Variants in HMGN2 observed in about 807,000 individuals in gnomAD.
The protein encoded by HMGN2 is high mobility group nucleosomal binding domain 2.
In HMGN2, 2 loss-of-function variants were observed where a neutral mutation model predicts 16.9. The observed-to-expected ratio is 0.12, with a 90% CI of 0.05 to 0.37. The LOEUF (loss-of-function observed/expected upper bound fraction) is 0.37. Among genes scored for constraint, HMGN2 ranks in the 10% least tolerant of loss-of-function variants. The pLI is 1.00. For missense variants in HMGN2, 90 were observed against 106.0 expected (o/e 0.85, Z 0.66); for synonymous variants, 31 against 34.9 (o/e 0.89, Z 0.39).
In HMGN2 at chr1:26,474,588, C is replaced by G. The variant is rs2075595980; in HGVS notation, c.158C>G (p.Pro53Arg). 1 of 1,569,200 alleles carries G rather than the reference C, an allele frequency of 6.4e-7. No homozygotes were observed. The highest frequency in any genetic ancestry group is 2.2e-5 in the East Asian group (1 of 44,648). The change falls in exon 5 of 6, where the codon CCC (proline) becomes CGC (arginine). Residue 53 changes from proline (P) to arginine (R), a missense_variant. Pro to Arg is a moderately radical substitution (Grantham distance 103). Coordinates refer to ENST00000361427, the MANE Select transcript of HMGN2 (RefSeq NM_005517.4). Reference protein sequence around the residue: ...KAPAKKGEKVPKGKKGKADAG... With the variant: ...KAPAKKGEKVRKGKKGKADAG... Reference sequence around the variant, plus strand: ...CTTTTTCAGAAGGGAGAGAAGGTACCCAAAGGGAAAAAGGGAAAAGCTGAT... The same window carrying G: ...CTTTTTCAGAAGGGAGAGAAGGTACGCAAAGGGAAAAAGGGAAAAGCTGAT...
rs1057514831 is a variant in HMGN2, at chr1:26,472,553, C to G, written c.-60C>G. The G allele has an allele frequency of 6.5e-6, 10 of 1,533,886 alleles. No homozygotes were observed. Among genetic ancestry groups the G allele is most frequent in the Non-Finnish European group, 8.7e-6 (10 of 1,146,764 alleles). ...GAACGACCCCCGGACCGACCAAAGCCCGCGCGCCGCTGCATCCCGCGTCCA... is the reference window on the plus strand; with the variant it reads ...GAACGACCCCCGGACCGACCAAAGCGCGCGCGCCGCTGCATCCCGCGTCCA... On this transcript the variant is annotated 5_prime_UTR_variant, in exon 1 of 6. Transcript: ENST00000361427.
rs1275917552 is a variant in HMGN2, at chr1:26,475,833, G to C, written c.*685G>C. 3 of 304,496 alleles carry C rather than the reference G, an allele frequency of 9.9e-6. No homozygotes were observed. Among genetic ancestry groups the C allele is most frequent in the South Asian group, 7.5e-5 (3 of 39,746 alleles). 18.9% of individuals were successfully genotyped at this position (304,496 alleles called of 1,614,324 possible). A position where few individuals can be genotyped will look rare whatever the true frequency, so the allele number is the denominator to read the frequency against. On this transcript the variant is annotated 3_prime_UTR_variant, in exon 6 of 6. Coordinates refer to ENST00000361427, the MANE Select transcript of HMGN2 (RefSeq NM_005517.4). ...TCATTGGGTTTTATAGTGGCTTTCT[G>C]ATTTTTGGTAGTCCATTGAAGAAGG...
At chr1:26,474,274 A>AAGTT (rs1387539525) in intron 4 of HMGN2, 139 bp downstream of exon 4, 3 of 660,822 alleles carry the variant, frequency 4.5e-6, no homozygotes, top group Non-Finnish European at 5.2e-6. Context: ...TGTCATTCAT[A>AAGTT]ACGTTGGTTT....
intron 3 of HMGN2, 61 bp from the exon 4 acceptor site, chr1:26,474,024 G>A (rs1437780574): frequency 7.2e-7 from 1 of 1,383,628 alleles, no homozygotes; most frequent in East Asian, 2.3e-5. Flanking sequence ...TTGGTTGTGG[G>A]TGGTTTTCTT....
chr1:26,474,488 A>G (rs1041291822), intron 4 of HMGN2, 84 bp from the exon 5 acceptor site: 13 of 732,918 alleles, frequency 1.8e-5, no homozygotes, highest in East Asian at 1.3e-4. Flanking sequence ...TGAGTAAACA[A>G]TCCTACCTTG....
intron 1 of HMGN2, chr1:26,473,217 C>T (rs2075586797): frequency 1.4e-5 from 7 of 493,270 alleles, no homozygotes. Flanking sequence ...TTTGCGCCAT[C>T]TGCAGCTGTT....
chr1:26,472,500 G>A lies in HMGN2; in HGVS notation c.-113G>A, dbSNP rs2075575431. The A allele has an allele frequency of 1.5e-6, 2 of 1,291,226 alleles. No individual in the cohort carries two copies. The highest frequency in any genetic ancestry group is 2.2e-6 in the Non-Finnish European group (2 of 927,734). 80.0% of individuals were successfully genotyped at this position (1,291,226 alleles called of 1,614,324 possible). A position where few individuals can be genotyped will look rare whatever the true frequency, so the allele number is the denominator to read the frequency against. Reference sequence around the variant, plus strand: ...CTATAAAAACTTTATAAACCCCCCGGAGCCCGAGCAGTGTGAAGAAGAGGC... The same window carrying A: ...CTATAAAAACTTTATAAACCCCCCGAAGCCCGAGCAGTGTGAAGAAGAGGC... On this transcript the variant is annotated 5_prime_UTR_variant, in exon 1 of 6. Transcript: ENST00000361427.
intron 1 of HMGN2, 78 bp downstream of exon 1, chr1:26,472,705 A>G (rs1455385470): frequency 1.8e-5 from 24 of 1,341,004 alleles, no homozygotes; most frequent in South Asian, 4.0e-5. Flanking sequence ...GCAGGGAGCG[A>G]GAATCGGCGC....
intron 1 of HMGN2, chr1:26,473,085 C>T (rs960298040): frequency 1.6e-5 from 4 of 248,130 alleles, no homozygotes; most frequent in African/African-American, 9.3e-5. Flanking sequence ...CGCCCACGTT[C>T]CCCGCGCACG....
Position 26,472,526 on chromosome 1 carries a change from G to A in HMGN2, c.-87G>A. 1.5e-5 allele frequency: 22 copies of A among 1,496,142 alleles called. No homozygotes were observed. The highest frequency in any genetic ancestry group is 1.8e-5 in the Non-Finnish European group (20 of 1,113,564). The allele number at this position is 1,496,142 out of a possible 1,614,324, so 92.7% of individuals were successfully genotyped here. A position where few individuals can be genotyped will look rare whatever the true frequency, so the allele number is the denominator to read the frequency against. ...AGCCCGAGCAGTGTGAAGAAGAGGCGAGAACGACCCCCGGACCGACCAAAG... is the reference window on the plus strand; with the variant it reads ...AGCCCGAGCAGTGTGAAGAAGAGGCAAGAACGACCCCCGGACCGACCAAAG... On this transcript the variant is annotated 5_prime_UTR_variant, in exon 1 of 6. Coordinates refer to ENST00000361427, the MANE Select transcript of HMGN2 (RefSeq NM_005517.4).
intron 1 of HMGN2, 137 bp downstream of exon 1, chr1:26,472,764 C>A: frequency 1.3e-6 from 1 of 755,572 alleles, no homozygotes; most frequent in South Asian, 1.9e-5. Context: ...GAGACGGTGT[C>A]GGGCAGCTCG....
intron 4 of HMGN2, 129 bp downstream of exon 4, chr1:26,474,264 T>C (rs1041701521): frequency 4.4e-6 from 3 of 679,946 alleles, no homozygotes; most frequent in Non-Finnish European, 7.5e-6. Context: ...ACCTCGTCCG[T>C]GTCATTCATA....
chr1:26,476,482 T>C lies in HMGN2; in HGVS notation c.*1334T>C, dbSNP rs2075609766. ...GACAATGGGGTCTTTCCTGATTCCTTTAGTTTGGAGATGCAGAGAACCCCA... is the reference window on the plus strand; with the variant it reads ...GACAATGGGGTCTTTCCTGATTCCTCTAGTTTGGAGATGCAGAGAACCCCA... On this transcript the variant is annotated 3_prime_UTR_variant, in exon 6 of 6. Transcript: ENST00000361427. Among the ~76,000 whole-genome samples, 1 of 152,124 alleles carries C rather than the reference T, an allele frequency of 6.6e-6. No homozygotes were observed. Among genetic ancestry groups the C allele is most frequent in the African/African-American group, 2.4e-5 (1 of 41,436 alleles).
At position 26,472,484 on chromosome 1, in the gene HMGN2, CTT is replaced by C; in HGVS notation, c.-127_-126del. The C allele has an allele frequency of 8.4e-7, 1 of 1,192,826 alleles. No individual in the cohort carries two copies. Among genetic ancestry groups the C allele is most frequent in the Non-Finnish European group, 1.2e-6 (1 of 840,066 alleles). 73.9% of individuals were successfully genotyped at this position (1,192,826 alleles called of 1,614,324 possible). The stretch of plus-strand genomic sequence containing the variant: ...TCCGGGGCTCCCAGCGCTATAAAAA[CTT>C]TATAAACCCCCCGGAGCCCGAGCAG... On this transcript the variant is annotated 5_prime_UTR_variant, in exon 1 of 6. Transcript: ENST00000361427.
At chr1:26,473,124 C>G (rs931791395) in intron 1 of HMGN2, 11 of 275,070 alleles carry the variant, frequency 4.0e-5, no homozygotes, top group Non-Finnish European at 6.2e-5. Flanking sequence ...CCCACGAGTT[C>G]CCCGGGCTGC....
Position 26,473,479 on chromosome 1 carries a change from A to C in HMGN2, c.16-4A>C. The C allele has an allele frequency of 6.2e-7, 1 of 1,610,968 alleles. No homozygotes were observed. Among genetic ancestry groups the C allele is most frequent in the African/African-American group, 1.3e-5 (1 of 74,990 alleles). On this transcript the variant is annotated splice_region_variant and splice_polypyrimidine_tract_variant and intron_variant, in intron 1 of 5. Transcript: ENST00000361427. Reference sequence around the variant, plus strand: ...CTGCAGTTTTTTGTTCTTGTTTCTTATAGGCTGAAGGGGATGCTAAGGGAG... The same window carrying C: ...CTGCAGTTTTTTGTTCTTGTTTCTTCTAGGCTGAAGGGGATGCTAAGGGAG...
At chr1:26,473,962 C>T in intron 3 of HMGN2, 123 bp from the exon 4 acceptor site, 1 of 884,714 alleles carries the variant, frequency 1.1e-6, no homozygotes, top group South Asian at 1.7e-5. Context: ...GAAAGCCAAC[C>T]ACAAAAACTT....
Position 26,474,130 on chromosome 1 carries a change from G to A in HMGN2, c.136G>A (p.Ala46Thr). 1.2e-6 allele frequency: 2 copies of A among 1,607,268 alleles called. No individual in the cohort carries two copies. Among genetic ancestry groups the A allele is most frequent in the Non-Finnish European group, 1.7e-6 (2 of 1,177,382 alleles). Residue 46 changes from alanine (A) to threonine (T), a missense_variant, in exon 4 of 6, where the codon GCA (alanine) becomes ACA (threonine). Physicochemically the swap from Ala to Thr is moderately conservative, Grantham distance 58. Coordinates refer to ENST00000361427, the MANE Select transcript of HMGN2 (RefSeq NM_005517.4). ...AGAGCCCAAGCCTAAAAAGGCCCCT[G>A]CAAAGGTAAGTGCTAACATTGGAAC... ...KPEPKPKKAP[A>T]KKGEKVPKGK...
rs138257770 is a variant in HMGN2, at chr1:26,476,311, G to A, written c.*1163G>A. On this transcript the variant is annotated 3_prime_UTR_variant, in exon 6 of 6. Coordinates refer to ENST00000361427, the MANE Select transcript of HMGN2 (RefSeq NM_005517.4). ...GGTTTTGGCTGGGTAGCTGACAGGA[G>A]CCTCTCTACTTCCATCTGCATTTGC... Among the ~76,000 whole-genome samples the A allele has an allele frequency of 0.016, 2,442 of 152,280 alleles. 27 individuals carry two copies. Among genetic ancestry groups the A allele is most frequent in the Non-Finnish European group, 0.026 (1,741 of 68,016 alleles).
Sources: gnomAD v4.1 joint callset for allele counts (sites outside exome capture counted in the v4.1 genomes callset) on GRCh38, gnomAD v4.1.1 for gene constraint, MANE v1.5 for transcripts, NCBI Gene and HGNC (gene_info 2026-07-23, HGNC 2026-07-21) for gene names.